Variants in ASH1L observed in about 807,000 individuals in gnomAD.
The protein encoded by ASH1L is ASH1 like histone lysine methyltransferase, also known as histone-lysine N-methyltransferase ASH1L.
In ASH1L, 23 loss-of-function variants were observed where a neutral mutation model predicts 269.0. That is an observed-to-expected ratio of 0.09 (90% CI 0.06 to 0.12). ASH1L has a LOEUF of 0.12. Ranked by LOEUF, ASH1L falls within the 10% of genes least tolerant of loss-of-function variation. ASH1L has a pLI of 1.00. For missense variants in ASH1L, 2,912 were observed against 3,567.8 expected (o/e 0.82, Z 4.68); for synonymous variants, 1,187 against 1,253.5 (o/e 0.95, Z 1.12).
intron 3 of ASH1L, among the ~76,000 whole-genome samples, chr1:155,476,668 C>T (rs910862925): frequency 4.0e-5 from 6 of 151,688 alleles, no homozygotes; most frequent in Non-Finnish European, 8.8e-5. Flanking sequence ...TCTCCTGCCT[C>T]AGCCTCCCGA....
Position 155,468,216 on chromosome 1 carries a change from T to TTTA in ASH1L, c.4985-8321_4985-8319dup, listed in dbSNP as rs1287306339. ...CTGGTCAAGTATTTGTAGAATGCCC[T>TTTA]TTATTATTATTATTATTTTTTTTTT... On this transcript the variant is annotated intron_variant, in intron 3 of 27. Coordinates refer to ENST00000392403, the MANE Select transcript of ASH1L (RefSeq NM_018489.3). Among the ~76,000 whole-genome samples, 10 of 72,630 alleles carry TTTA rather than the reference T, an allele frequency of 1.4e-4. 1 individual carries two copies. In the South Asian group the frequency reaches 2.7e-3, roughly 20 times the overall value. The allele number at this position is 72,630 out of a possible 152,430, so 47.6% of individuals were successfully genotyped here. A position where few individuals can be genotyped will look rare whatever the true frequency, so the allele number is the denominator to read the frequency against.
At chr1:155,397,821 A>G (rs968599196) in intron 6 of ASH1L, among the ~76,000 whole-genome samples, 11 of 152,166 alleles carry the variant, frequency 7.2e-5, no homozygotes, top group Admixed American at 2.0e-4. Context: ...CTCAGCTCCC[A>G]AAGTCTTGGG....
rs1204356130 is a variant in ASH1L, at chr1:155,478,166, G to T, written c.4704C>A (p.Ala1568=). The change falls in exon 3 of 28, where the codon GCC becomes GCA. Residue 1568 remains alanine, a synonymous_variant. Coordinates refer to ENST00000392403, the MANE Select transcript of ASH1L (RefSeq NM_018489.3). This position sits in a 1 kb window ranked among gnomAD's most constrained non-coding sequence, Gnocchi z 4.6. ...HREPSESSPL[A]LGLQTPLQID... Reference sequence around the variant, plus strand: ...TCTGTAAAGGTGTCTGCAATCCCAAGGCCAATGGACTAGATTCTGAAGGCT... The same window carrying T: ...TCTGTAAAGGTGTCTGCAATCCCAATGCCAATGGACTAGATTCTGAAGGCT... 1.2e-6 allele frequency: 2 copies of T among 1,614,016 alleles called. No homozygotes were observed. Among genetic ancestry groups the T allele is most frequent in the African/African-American group, 2.7e-5 (2 of 74,964 alleles).
chr1:155,492,810 T>C (rs1666895681), intron 2 of ASH1L, among the ~76,000 whole-genome samples: 1 of 151,946 alleles, frequency 6.6e-6, no homozygotes, highest in African/African-American at 2.4e-5. Flanking sequence ...GAGATTTAAC[T>C]CACATGCCAT....
In ASH1L at chr1:155,392,645, T is replaced by A. The variant is rs1216629010; in HGVS notation, c.6103+2814A>T. Among the ~76,000 whole-genome samples the A allele has an allele frequency of 3.3e-5, 5 of 152,076 alleles. 1 individual carries two copies. In the South Asian group the frequency reaches 8.3e-4, roughly 25 times the overall value. Reference sequence around the variant, plus strand: ...CTGGGACTACAGGCACACACCATTATGTCCAGCTAATTTTTGTATTTTTAG... The same window carrying A: ...CTGGGACTACAGGCACACACCATTAAGTCCAGCTAATTTTTGTATTTTTAG... On this transcript the variant is annotated intron_variant, in intron 7 of 27. Coordinates refer to ENST00000392403, the MANE Select transcript of ASH1L (RefSeq NM_018489.3).
In ASH1L at chr1:155,481,707, G is replaced by A; in HGVS notation, c.1163C>T (p.Ala388Val). The A allele has an allele frequency of 6.2e-7, 1 of 1,614,062 alleles. No individual in the cohort carries two copies. The change falls in exon 3 of 28, where the codon GCA (alanine) becomes GTA (valine). Residue 388 changes from alanine (A) to valine (V), a missense_variant. Transcript: ENST00000392403. ...TGCTGAACTTGCTACAATCTTCTTT[G>A]CACAGTCCTTGGCCACTAGGCCAAC... The part of the protein sequence containing the change: ...STVGLVAKDC[A>V]KKIVASSAMG...
At chr1:155,407,010 A>G (rs908654578) in intron 6 of ASH1L, among the ~76,000 whole-genome samples, 1 of 152,088 alleles carries the variant, frequency 6.6e-6, no homozygotes, top group African/African-American at 2.4e-5. Context: ...ACTTACAAAA[A>G]AAAGGGGAAT....
intron 19 of ASH1L, among the ~76,000 whole-genome samples, chr1:155,348,953 C>T (rs569597901): frequency 8.3e-5 from 12 of 144,384 alleles, no homozygotes; most frequent in African/African-American, 3.1e-4. Context: ...CACATATAAA[C>T]ATTTACCTAT....
chr1:155,412,776 T>A (rs113120225), intron 6 of ASH1L, among the ~76,000 whole-genome samples: 2 of 152,068 alleles, frequency 1.3e-5, no homozygotes, highest in African/African-American at 4.8e-5. Context: ...ACCTATAGGA[T>A]CTGACCCTAT....
intron 6 of ASH1L, among the ~76,000 whole-genome samples, chr1:155,411,768 C>G (rs1259006384): frequency 6.6e-6 from 1 of 150,416 alleles, no homozygotes; most frequent in African/African-American, 2.4e-5. Context: ...GGACTCTAAT[C>G]TGATTCTGGG....
At chr1:155,514,158 G>T (rs1313242965) in intron 2 of ASH1L, among the ~76,000 whole-genome samples, 1 of 152,158 alleles carries the variant, frequency 6.6e-6, no homozygotes, top group East Asian at 1.9e-4. Context: ...AGAATGAAGA[G>T]TTAATAGAGT....
intron 12 of ASH1L, among the ~76,000 whole-genome samples, chr1:155,368,387 T>A (rs1371034046): frequency 6.6e-6 from 1 of 152,124 alleles, no homozygotes; most frequent in East Asian, 1.9e-4. Flanking sequence ...CATTTTCAAT[T>A]TTGGGGGTAC....
At chr1:155,339,445 TA>T in intron 25 of ASH1L, 77 bp from the exon 26 acceptor site, 1 of 1,386,688 alleles carries the variant, frequency 7.2e-7, no homozygotes, top group Non-Finnish European at 1.0e-6. Context: ...CCAGTCAGGA[TA>T]AGGAACACAG....
chr1:155,388,799 A>G (rs1434582455), intron 7 of ASH1L, among the ~76,000 whole-genome samples: 2 of 148,038 alleles, frequency 1.4e-5, no homozygotes, highest in Non-Finnish European at 3.0e-5. Flanking sequence ...AACTCACTGC[A>G]GCCTCGATCT....
At chr1:155,545,431 A>T (rs1670741458) in intron 1 of ASH1L, among the ~76,000 whole-genome samples, 1 of 151,732 alleles carries the variant, frequency 6.6e-6, no homozygotes, top group Non-Finnish European at 1.5e-5. Context: ...TTATATGAAG[A>T]TTTCCTTCAT....
At chr1:155,558,163 C>G (rs913033252) in intron 1 of ASH1L, among the ~76,000 whole-genome samples, 10 of 152,068 alleles carry the variant, frequency 6.6e-5, no homozygotes, top group African/African-American at 2.4e-4. Flanking sequence ...AGACACAGTA[C>G]CTAGCAAGTT....
Position 155,482,046 on chromosome 1 carries a change from G to A in ASH1L, c.824C>T (p.Thr275Ile). ...TACCAATCCAACTGCTGTGCTGATG[G>A]TTGGCTTTTTTATTAAGTCCTTATG... ...IIHKDLIKKP[T>I]ISTAVGLVTK... Residue 275 changes from threonine to isoleucine, a missense_variant, in exon 3 of 28, where the codon ACC becomes ATC. This residue lies in a region of ASH1L where 277 missense variants were observed against 367.7 expected (regional missense o/e 0.75). Coordinates refer to ENST00000392403, the MANE Select transcript of ASH1L (RefSeq NM_018489.3). 1 of 1,614,082 alleles carries A rather than the reference G, an allele frequency of 6.2e-7. No individual in the cohort carries two copies.
intron 5 of ASH1L, among the ~76,000 whole-genome samples, chr1:155,418,637 T>C (rs760179130): frequency 4.6e-5 from 7 of 152,174 alleles, no homozygotes; most frequent in Admixed American, 2.0e-4. Flanking sequence ...TTGAGAATTA[T>C]GGCTAAAAAG....
rs1196966582 is a variant in ASH1L at position 155,438,389 on chromosome 1, T to C, written c.5766A>G (p.Glu1922=). 1 of 1,607,400 alleles carries C rather than the reference T, an allele frequency of 6.2e-7. No homozygotes were observed. The highest frequency in any genetic ancestry group is 1.1e-5 in the South Asian group (1 of 89,516). ...GCTTCTGCTTTTTTCTGGTCTGTTC[T>C]TCCAATAGCCAACCTTTTCTCTTCA... The part of the protein sequence containing the change: ...KGLKRKGWLL[E]EQTRKKQKPL... The change falls in exon 5 of 28, where the codon GAA becomes GAG. Residue 1922 remains glutamate (E), a synonymous_variant. Transcript: ENST00000392403.
Sources: allele counts gnomAD v4.1 joint callset (sites outside exome capture counted in the v4.1 genomes callset), GRCh38; gene constraint gnomAD v4.1.1; regional missense constraint gnomAD v4.1.1; non-coding constraint Gnocchi (gnomAD v3.1); transcripts MANE v1.5; gene names NCBI Gene and HGNC (gene_info 2026-07-23, HGNC 2026-07-21).